The following ASIC2 variants were observed in gnomAD, a reference collection of about 807,000 sequenced individuals.
The protein encoded by ASIC2 is acid-sensing ion channel 2.
In ASIC2, 25 loss-of-function variants were observed where a neutral mutation model predicts 57.3. The ratio of observed to expected loss-of-function variants is 0.44; its 90% CI spans 0.32 to 0.61. ASIC2 has a LOEUF of 0.61. ASIC2 is among the 20% of genes least tolerant of loss of function. The pLI, the probability that ASIC2 is intolerant of heterozygous loss-of-function variation, is 0.06. For synonymous variants in ASIC2, 319 were observed against 307.5 expected, an observed-to-expected ratio of 1.04 and a Z score of -0.39; for missense variants, 641 against 738.1, an observed-to-expected ratio of 0.87 and a Z score of 1.52.
chr17:33,021,351 T>C, intron 6 of ASIC2, 41 bp from the exon 7 acceptor site: 2 of 1,485,872 alleles, frequency 1.3e-6, no homozygotes, highest in Non-Finnish European at 1.9e-6. Flanking sequence ...GTTAGAGCTA[T>C]CAGCATTCAC....
At chr17:33,254,957 G>A (rs1432782921) in intron 1 of ASIC2, among the ~76,000 whole-genome samples, 1 of 138,268 alleles carries the variant, frequency 7.2e-6, no homozygotes, top group Non-Finnish European at 1.6e-5. Context: ...CTTCTTTTAT[G>A]TTTACAAATT....
At chr17:33,305,214 C>T (rs1906120446) in intron 1 of ASIC2, among the ~76,000 whole-genome samples, 1 of 152,110 alleles carries the variant, frequency 6.6e-6, no homozygotes, top group Non-Finnish European at 1.5e-5. Context: ...GAATCAGGCT[C>T]AGAGATATCA....
At chr17:33,660,779 T>C (rs763949363) in intron 1 of ASIC2, among the ~76,000 whole-genome samples, 2 of 152,222 alleles carry the variant, frequency 1.3e-5, no homozygotes, top group Non-Finnish European at 2.9e-5. Context: ...ACGGAACCAC[T>C]GTCGTTAATG....
intron 1 of ASIC2, among the ~76,000 whole-genome samples, chr17:33,968,573 C>T (rs982351573): frequency 2.6e-5 from 4 of 152,126 alleles, no homozygotes; most frequent in African/African-American, 9.7e-5. Flanking sequence ...TTCTTAATGG[C>T]CTGCCTCTAT....
intron 1 of ASIC2, among the ~76,000 whole-genome samples, chr17:33,451,973 G>T (rs1478075964): frequency 6.6e-6 from 1 of 152,194 alleles, no homozygotes; most frequent in Non-Finnish European, 1.5e-5. Context: ...TTCTCAGTTA[G>T]TTACATGATA....
chr17:33,665,859 C>G (rs955951257), intron 1 of ASIC2, among the ~76,000 whole-genome samples: 3 of 152,186 alleles, frequency 2.0e-5, no homozygotes, highest in African/African-American at 7.2e-5. Context: ...TTGCTTCTCT[C>G]TCCAGAGACT....
intron 1 of ASIC2, among the ~76,000 whole-genome samples, chr17:34,131,827 G>C (rs1911976338): frequency 6.6e-6 from 1 of 152,218 alleles, no homozygotes; most frequent in Admixed American, 6.5e-5. Context: ...GGCCCTGAAA[G>C]GTCTGAGAAT....
chr17:34,038,271 T>G, intron 1 of ASIC2: 3 of 1,610,534 alleles, frequency 1.9e-6, no homozygotes, highest in Non-Finnish European at 2.5e-6. Context: ...TTGTGCTGTT[T>G]CAGGTAGAAG....
intron 1 of ASIC2, among the ~76,000 whole-genome samples, chr17:33,877,605 G>A (rs1344120629): frequency 6.6e-6 from 1 of 152,240 alleles, no homozygotes; most frequent in Non-Finnish European, 1.5e-5. Context: ...AAACAAAACA[G>A]CCGGGAAGCT....
intron 1 of ASIC2, among the ~76,000 whole-genome samples, chr17:33,328,600 A>G (rs1907174838): frequency 6.6e-6 from 1 of 152,112 alleles, no homozygotes; most frequent in Admixed American, 6.6e-5. Flanking sequence ...GGTACATGCG[A>G]TACTTGCTTT....
chr17:33,296,666 AACC>A (rs550647300), upstream of ASIC2, among the ~76,000 whole-genome samples: 4 of 151,988 alleles, frequency 2.6e-5, no homozygotes, highest in South Asian at 2.1e-4. Context: ...TCTGGGGTAT[AACC>A]ACCACCACCA....
chr17:33,578,842 A>C (rs1356467200), intron 1 of ASIC2, among the ~76,000 whole-genome samples: 1 of 152,186 alleles, frequency 6.6e-6, no homozygotes, highest in African/African-American at 2.4e-5. Flanking sequence ...TAAACTGTGG[A>C]GCTAAACATT....
chr17:33,528,398 C>T (rs1289444135), intron 1 of ASIC2, among the ~76,000 whole-genome samples: 1 of 152,092 alleles, frequency 6.6e-6, no homozygotes, highest in Non-Finnish European at 1.5e-5. Flanking sequence ...AACTGGGCTG[C>T]CCCACCACAA....
At chr17:33,566,552 C>G (rs1916239349) in intron 1 of ASIC2, among the ~76,000 whole-genome samples, 1 of 152,202 alleles carries the variant, frequency 6.6e-6, no homozygotes. Flanking sequence ...AGTGGAGAGA[C>G]AGACATACAC....
At chr17:33,930,342 G>A (rs1044070751) in intron 1 of ASIC2, among the ~76,000 whole-genome samples, 1 of 152,186 alleles carries the variant, frequency 6.6e-6, no homozygotes, top group African/African-American at 2.4e-5. Flanking sequence ...TCTATGTCAA[G>A]CTTTCTGGAC....
At chr17:33,758,160 C>A (rs1252625807) in intron 1 of ASIC2, among the ~76,000 whole-genome samples, 6 of 152,012 alleles carry the variant, frequency 3.9e-5, no homozygotes, top group East Asian at 3.9e-4. Flanking sequence ...AAAATTCATC[C>A]TTTTCTTAAA....
intron 1 of ASIC2, among the ~76,000 whole-genome samples, chr17:33,739,885 GGAAAGAAAAGAAAAAAGAGAAA>G (rs910319628): frequency 4.4e-5 from 4 of 91,052 alleles, no homozygotes. Context: ...AAAAAGAAAA[GGAAAGAAAAGAAAAAAGAGAAA>G]GAAAGAAAAG....
intron 1 of ASIC2, among the ~76,000 whole-genome samples, chr17:34,103,571 A>C (rs1162122579): frequency 2.0e-5 from 3 of 152,088 alleles, no homozygotes; most frequent in African/African-American, 4.8e-5. Flanking sequence ...GTTTTTTTCA[A>C]TAAGCCTTAT....
chr17:33,326,369 A>G (rs1014025263), intron 1 of ASIC2, among the ~76,000 whole-genome samples: 3 of 152,158 alleles, frequency 2.0e-5, no homozygotes, highest in Non-Finnish European at 2.9e-5. Flanking sequence ...TTTCCCAACT[A>G]TCCCTCATTG....
Sources: gnomAD v4.1 joint callset for allele counts (sites outside exome capture counted in the v4.1 genomes callset) on GRCh38, gnomAD v4.1.1 for gene constraint, MANE v1.5 for transcripts, NCBI Gene and HGNC (gene_info 2026-07-23, HGNC 2026-07-21) for gene names.